The following EDNRB variants were observed in gnomAD, a reference collection of about 807,000 sequenced individuals.
EDNRB encodes endothelin receptor type B.
A neutral mutation model predicts 46.4 loss-of-function variants in EDNRB; 18 were observed. That is an observed-to-expected ratio of 0.39 (90% CI 0.27 to 0.57). The LOEUF (loss-of-function observed/expected upper bound fraction) is 0.57, where lower values mean the gene tolerates loss of function less well. EDNRB is among the 20% of genes least tolerant of loss of function. The pLI, the probability that EDNRB is intolerant of heterozygous loss-of-function variation, is 0.61. For missense variants in EDNRB, 434 were observed against 537.5 expected, an observed-to-expected ratio of 0.81 and a Z score of 1.90; for synonymous variants, 213 against 204.9, an observed-to-expected ratio of 1.04 and a Z score of -0.34.
intron 1 of EDNRB, among the ~76,000 whole-genome samples, chr13:77,943,901 A>G (rs1017191110): frequency 1.3e-5 from 2 of 152,012 alleles, no homozygotes; most frequent in African/African-American, 4.8e-5. Flanking sequence ...AACTTTCTAT[A>G]ATATAGTCCT....
chr13:77,898,169 A>G lies in EDNRB; in HGVS notation c.*31T>C. On this transcript the variant is annotated 3_prime_UTR_variant, in exon 7 of 7. Transcript: ENST00000646607. ...TTTTAATGACTTCGGTCCAATATAA[A>G]GAAAATGAAATACAGTGAATAGTTC... The G allele has an allele frequency of 6.2e-7, 1 of 1,607,850 alleles. No homozygotes were observed. Among genetic ancestry groups the G allele is most frequent in the Non-Finnish European group, 8.5e-7 (1 of 1,176,646 alleles).
chr13:77,961,845 G>C (rs147059878), intron 1 of EDNRB, among the ~76,000 whole-genome samples: 2,169 of 152,172 alleles, frequency 0.014, 45 homozygotes, highest in East Asian at 0.024. Flanking sequence ...CCAGGAGCTG[G>C]TTTTTTGAAA....
chr13:77,958,851 A>G (rs1451953730), intron 1 of EDNRB, among the ~76,000 whole-genome samples: 1 of 152,218 alleles, frequency 6.6e-6, no homozygotes, highest in Non-Finnish European at 1.5e-5. Flanking sequence ...ATTTACTAAG[A>G]TATCACCATC....
chr13:77,908,825 C>A (rs764316172), intron 1 of EDNRB, among the ~76,000 whole-genome samples: 55 of 152,106 alleles, frequency 3.6e-4, no homozygotes, highest in South Asian at 1.0e-3. Flanking sequence ...AATATTGACA[C>A]TATGTCGCTT....
chr13:77,915,108 C>CT lies in EDNRB; in HGVS notation c.483+2982dup, dbSNP rs563158180. Among the ~76,000 whole-genome samples, 22 of 152,184 alleles carry CT rather than the reference C, an allele frequency of 1.4e-4. No homozygotes were observed. The South Asian group carries it at 4.6e-3, about 32-fold the overall frequency. On this transcript the variant is annotated intron_variant, in intron 1 of 6. Coordinates refer to ENST00000646607, the MANE Select transcript of EDNRB (RefSeq NM_001122659.3). ...TAGCCTTCATAACTCATTTAAATTA[C>CT]TTTTTTCTGAATGATCATACCTGAC...
intron 3 of EDNRB, among the ~76,000 whole-genome samples, chr13:77,902,186 C>G (rs1290290737): frequency 6.6e-6 from 1 of 151,952 alleles, no homozygotes; most frequent in African/African-American, 2.4e-5. Flanking sequence ...CAGACTCCAT[C>G]CATATCAGGG....
intron 1 of EDNRB, among the ~76,000 whole-genome samples, chr13:77,926,498 G>C (rs1880242182): frequency 6.6e-6 from 1 of 152,132 alleles, no homozygotes; most frequent in Non-Finnish European, 1.5e-5. Flanking sequence ...AATATAATGA[G>C]AGTCACCTTT....
chr13:77,897,262 T>C lies in EDNRB; in HGVS notation c.*938A>G. ...TACATGCAGTGTATGTAGGTAAGTA[T>C]TTACAGATGACAAAACCAAACAGAG... On this transcript the variant is annotated 3_prime_UTR_variant, in exon 7 of 7. Coordinates refer to ENST00000646607, the MANE Select transcript of EDNRB (RefSeq NM_001122659.3). The C allele has an allele frequency of 5.1e-6, 5 of 985,194 alleles. No homozygotes were observed. The highest frequency in any genetic ancestry group is 6.0e-6 in the Non-Finnish European group (5 of 829,850). 61.0% of individuals were successfully genotyped at this position (985,194 alleles called of 1,614,324 possible).
At chr13:77,945,981 TAGTC>T (rs893448127) in intron 1 of EDNRB, among the ~76,000 whole-genome samples, 9 of 151,288 alleles carry the variant, frequency 5.9e-5, no homozygotes, top group Admixed American at 3.3e-4. Flanking sequence ...CACACAAAGA[TAGTC>T]AGGCTTTGCC....
At chr13:77,926,437 A>C (rs1288454411) in intron 1 of EDNRB, among the ~76,000 whole-genome samples, 1 of 152,150 alleles carries the variant, frequency 6.6e-6, no homozygotes, top group Non-Finnish European at 1.5e-5. Flanking sequence ...CTCAAGTTCA[A>C]GTTCCACATA....
chr13:77,938,925 A>C (rs1880649544), intron 1 of EDNRB, among the ~76,000 whole-genome samples: 2 of 152,210 alleles, frequency 1.3e-5, no homozygotes, highest in Admixed American at 1.3e-4. Context: ...GAGCAGGAGG[A>C]CAGGGGATTG....
At chr13:77,902,637 T>C (rs926117030) in intron 3 of EDNRB, among the ~76,000 whole-genome samples, 1 of 151,906 alleles carries the variant, frequency 6.6e-6, no homozygotes, top group Non-Finnish European at 1.5e-5. Context: ...CTTTTTAAAA[T>C]AGCCAATTGG....
intron 1 of EDNRB, among the ~76,000 whole-genome samples, chr13:77,917,211 C>T (rs1879852697): frequency 6.6e-6 from 1 of 152,148 alleles, no homozygotes; most frequent in African/African-American, 2.4e-5. Flanking sequence ...TCCCCAGCTC[C>T]ACCTCTAATT....
chr13:77,926,287 T>C (rs1019315344), intron 1 of EDNRB, among the ~76,000 whole-genome samples: 1 of 152,230 alleles, frequency 6.6e-6, no homozygotes, highest in Non-Finnish European at 1.5e-5. Flanking sequence ...TCTTTTCTAT[T>C]GCATCGTCAG....
At chr13:77,962,234 T>C (rs2137685832) in intron 1 of EDNRB, among the ~76,000 whole-genome samples, 1 of 152,150 alleles carries the variant, frequency 6.6e-6, no homozygotes, top group South Asian at 2.1e-4. Flanking sequence ...CTTCTGAAAA[T>C]ATTCCAATCA....
chr13:77,939,411 C>A (rs75288669), intron 1 of EDNRB: 7,217 of 152,268 alleles, frequency 0.047, 225 homozygotes, highest in Admixed American at 0.074. Flanking sequence ...AAATTTGGCA[C>A]TTTAAACTTG....
chr13:77,965,189 G>A (rs953414969), intron 1 of EDNRB, among the ~76,000 whole-genome samples: 19 of 152,140 alleles, frequency 1.2e-4, no homozygotes, highest in Non-Finnish European at 2.4e-4. Flanking sequence ...AGACAACTCA[G>A]TATTACACAA....
rs947360110 is a variant in EDNRB, at chr13:77,973,928, C to G, written c.-52+1419G>C. Reference sequence around the variant, plus strand: ...CTCTTTTTACATAAATTCTGCCCCCCCTTTTTTCCTTTTTTTTTTTTTGAA... The same window carrying G: ...CTCTTTTTACATAAATTCTGCCCCCGCTTTTTTCCTTTTTTTTTTTTTGAA... On this transcript the variant is annotated intron_variant, in intron 1 of 7. Transcript: ENST00000646948. Among the ~76,000 whole-genome samples the G allele has an allele frequency of 4.9e-4, 68 of 138,546 alleles. 2 individuals carry two copies. Among genetic ancestry groups the G allele is most frequent in the Non-Finnish European group, 9.0e-5 (6 of 66,456 alleles). 90.9% of individuals were successfully genotyped at this position (138,546 alleles called of 152,430 possible). A position where few individuals can be genotyped will look rare whatever the true frequency, so the allele number is the denominator to read the frequency against.
rs1879926324 is a variant in EDNRB, at chr13:77,918,392, C to G, written c.182G>C (p.Ser61Thr). Residue 61 changes from serine to threonine, a missense_variant, in exon 1 of 7, where the codon AGT becomes ACT. By Grantham distance (58) the Ser-to-Thr change is moderately conservative (BLOSUM62 1). Transcript: ENST00000646607. This position sits in a 1 kb window ranked among gnomAD's most constrained non-coding sequence, Gnocchi z 4.5. Reference protein sequence around the residue: ...KTLWPKGSNASLARSLAPAEV... With the variant: ...KTLWPKGSNATLARSLAPAEV... ...CGCAGGTGCCAACGACCGCGCCAGACTGGCGTTGGAACCCTTGGGCCATAA... is the reference window on the plus strand; with the variant it reads ...CGCAGGTGCCAACGACCGCGCCAGAGTGGCGTTGGAACCCTTGGGCCATAA... The G allele has an allele frequency of 6.2e-7, 1 of 1,603,010 alleles. No homozygotes were observed. The highest frequency in any genetic ancestry group is 1.3e-5 in the African/African-American group (1 of 74,450).
Sources: allele counts gnomAD v4.1 joint callset (sites outside exome capture counted in the v4.1 genomes callset), GRCh38; gene constraint gnomAD v4.1.1; non-coding constraint Gnocchi (gnomAD v3.1); transcripts MANE v1.5; gene names NCBI Gene and HGNC (gene_info 2026-07-23, HGNC 2026-07-21).